MACC1: variants seen among roughly 807,000 people sequenced by gnomAD.
MACC1 encodes metastasis-associated in colon cancer protein 1.
MACC1 carries 79 observed loss-of-function variants against 70.7 expected under a neutral mutation model. The observed-to-expected ratio is 1.12, with a 90% CI of 0.93 to 1.35. The LOEUF is 1.35. MACC1 is among the 40% of genes most tolerant of loss of function. MACC1 has a pLI of 0.00. For synonymous variants in MACC1, 361 were observed against 347.2 expected, an observed-to-expected ratio of 1.04 and a Z score of -0.44; for missense variants, 1,106 against 978.1, an observed-to-expected ratio of 1.13 and a Z score of -1.74.
Position 20,136,414 on chromosome 7 carries a change from A to C in MACC1, c.*4532T>G, listed in dbSNP as rs1781718237. 6.6e-6 allele frequency: 1 copy of C among 152,196 alleles called. No homozygotes were observed. The highest frequency in any genetic ancestry group is 1.9e-4 in the East Asian group (1 of 5,202). 9.4% of individuals were successfully genotyped at this position (152,196 alleles called of 1,614,324 possible). A position where few individuals can be genotyped will look rare whatever the true frequency, so the allele number is the denominator to read the frequency against. On this transcript the variant is annotated 3_prime_UTR_variant, in exon 7 of 7. Coordinates refer to ENST00000400331, the MANE Select transcript of MACC1 (RefSeq NM_182762.4). ...CACTATTATTCAAAATTACAAAACT[A>C]TTTATTAGGGTTAAAACTTTCTAGA...
intron 1 of MACC1, among the ~76,000 whole-genome samples, chr7:20,200,311 A>G (rs1782815074): frequency 6.6e-6 from 1 of 152,158 alleles, no homozygotes; most frequent in Non-Finnish European, 1.5e-5. Context: ...TTATAGATAA[A>G]GAGATAACAG....
In MACC1 at chr7:20,195,093, C is replaced by T. The variant is rs553787537; in HGVS notation, c.-218+22206G>A. Among the ~76,000 whole-genome samples the T allele has an allele frequency of 7.2e-5, 11 of 151,876 alleles. No individual in the cohort carries two copies. The South Asian group carries it at 1.0e-3, about 14-fold the overall frequency. ...TTTCCTCCTAATCTTAACGTTTTCT[C>T]TTATTAAAAAAAAACAAGTATCCCC... On this transcript the variant is annotated intron_variant, in intron 1 of 6. Transcript: ENST00000400331.
chr7:20,184,354 C>T (rs954339759), intron 1 of MACC1, among the ~76,000 whole-genome samples: 7 of 152,140 alleles, frequency 4.6e-5, no homozygotes, highest in African/African-American at 1.7e-4. Flanking sequence ...CTCAATTGTG[C>T]CCAACAAAGA....
In MACC1 at chr7:20,138,776, C is replaced by T. The variant is rs192994315; in HGVS notation, c.*2170G>A. 6.8e-3 allele frequency: 1,028 copies of T among 152,054 alleles called. 11 individuals carry two copies. The highest frequency in any genetic ancestry group is 0.023 in the African/African-American group (963 of 41,482). 9.4% of individuals were successfully genotyped at this position (152,054 alleles called of 1,614,324 possible). ...CAAGCTCCGCCTCCCGGGTTCACGCCATTCTCCTGCCTCAGCCTCCTGAGT... is the reference window on the plus strand; with the variant it reads ...CAAGCTCCGCCTCCCGGGTTCACGCTATTCTCCTGCCTCAGCCTCCTGAGT... On this transcript the variant is annotated 3_prime_UTR_variant, in exon 7 of 7. Coordinates refer to ENST00000400331, the MANE Select transcript of MACC1 (RefSeq NM_182762.4).
Position 20,183,751 on chromosome 7 carries a change from C to G in MACC1, c.-217-12973G>C, listed in dbSNP as rs960202906. 2.0e-5 allele frequency among the ~76,000 whole-genome samples: 3 copies of G among 146,496 alleles called. No homozygotes were observed. In the Admixed American group the frequency reaches 2.1e-4, roughly 10 times the overall value. On this transcript the variant is annotated intron_variant, in intron 1 of 6. Transcript: ENST00000400331. ...TGAGGGAGAGTCTCACTCTGTTTCC[C>G]GGGCTGGAGTGCAGTGGCATGATCT...
chr7:20,165,421 C>T (rs1782198459), intron 2 of MACC1, among the ~76,000 whole-genome samples: 1 of 152,084 alleles, frequency 6.6e-6, no homozygotes, highest in African/African-American at 2.4e-5. Context: ...CTCACTATCC[C>T]ACAACAAATC....
At chr7:20,180,853 CAATAATAAT>C (rs1012956866) in intron 1 of MACC1, among the ~76,000 whole-genome samples, 1 of 151,384 alleles carries the variant, frequency 6.6e-6, no homozygotes, top group Non-Finnish European at 1.5e-5. Flanking sequence ...TCTCAAATAA[CAATAATAAT>C]AATAATAATT....
In MACC1 at chr7:20,159,979, G is replaced by A; in HGVS notation, c.382C>T (p.Gln128Ter). The A allele has an allele frequency of 1.2e-6, 2 of 1,614,066 alleles. No individual in the cohort carries two copies. Among genetic ancestry groups the A allele is most frequent in the Non-Finnish European group, 1.7e-6 (2 of 1,180,004 alleles). The part of the protein sequence containing the change: ...DELDVHQLLR[Q>*]TSSRNSGRSK... ...CTTCCAGAATTTCTTGAGGAAGTCT[G>A]CCTAAGTAACTGATGCACATCAAGT... The change falls in exon 5 of 7, where the codon CAG becomes TAG. Residue 128 changes from glutamine (Q) to a stop codon, truncating the protein, a stop_gained. Coordinates refer to ENST00000400331, the MANE Select transcript of MACC1 (RefSeq NM_182762.4). LOFTEE classifies it high-confidence loss of function.
rs1392339127 is a variant in MACC1 at position 20,161,603 on chromosome 7, T to C, written c.115+145A>G. ...TGGCTGTGCTATTTTATTTTGCACA[T>C]CTTTTTAACTATTTCTATGATAAAA... On this transcript the variant is annotated intron_variant, in intron 4 of 6. Transcript: ENST00000400331. 6 of 552,872 alleles carry C rather than the reference T, an allele frequency of 1.1e-5. No homozygotes were observed. In the African/African-American group the frequency reaches 1.1e-4, roughly 10 times the overall value. The allele number at this position is 552,872 out of a possible 1,614,324, so 34.2% of individuals were successfully genotyped here.
intron 1 of MACC1, among the ~76,000 whole-genome samples, chr7:20,188,277 C>T (rs1409355264): frequency 1.3e-5 from 2 of 152,150 alleles, no homozygotes; most frequent in African/African-American, 2.4e-5. Context: ...TCTAACAAAA[C>T]ATTCTTTTGA....
Position 20,158,595 on chromosome 7 carries a change from A to G in MACC1, c.1766T>C (p.Ile589Thr), listed in dbSNP as rs563150029. 114 of 1,614,032 alleles carry G rather than the reference A, an allele frequency of 7.1e-5. No individual in the cohort carries two copies. In the East Asian group the frequency reaches 2.3e-3, roughly 32 times the overall value. ...ALLGEGKVKAIGQSKVKEWYV... is the reference protein window; with the variant it reads ...ALLGEGKVKATGQSKVKEWYV... ...CCATTCTTTCACTTTGGACTGACCA[A>G]TAGCTTTTACCTTACCTTCCCCGAG... is the stretch of plus-strand genomic sequence containing the variant. The change falls in exon 5 of 7, where the codon ATT becomes ACT. Residue 589 changes from isoleucine to threonine, a missense_variant. Transcript: ENST00000400331.
intron 1 of MACC1, among the ~76,000 whole-genome samples, chr7:20,174,140 A>G (rs1782357080): frequency 1.3e-5 from 2 of 152,218 alleles, no homozygotes; most frequent in African/African-American, 2.4e-5. Context: ...GCATAATTCT[A>G]GAATAAGTTA....
In MACC1 at chr7:20,159,360, T is replaced by C. The variant is rs1344034939; in HGVS notation, c.1001A>G (p.Gln334Arg). Residue 334 changes from glutamine (Q) to arginine (R), a missense_variant, in exon 5 of 7, where the codon CAA (glutamine) becomes CGA (arginine). Coordinates refer to ENST00000400331, the MANE Select transcript of MACC1 (RefSeq NM_182762.4). ...CTGACTCAAGTCGATTAGCTTGACT[T>C]GGATGGTGTCTTTATAAATGTAGCA... ...SNCYIYKDTI[Q>R]VKLIDLSQVM... 1 of 1,614,100 alleles carries C rather than the reference T, an allele frequency of 6.2e-7. No individual in the cohort carries two copies.
At chr7:20,183,147 A>G (rs1341265100) in intron 1 of MACC1, among the ~76,000 whole-genome samples, 1 of 152,192 alleles carries the variant, frequency 6.6e-6, no homozygotes, top group Non-Finnish European at 1.5e-5. Context: ...ACCCGACTTA[A>G]TGAAGTAGGC....
At chr7:20,183,518 T>C (rs1439566437) in intron 1 of MACC1, among the ~76,000 whole-genome samples, 3 of 152,180 alleles carry the variant, frequency 2.0e-5, no homozygotes, top group African/African-American at 7.2e-5. Flanking sequence ...TAATGGATGG[T>C]TATTGCCTTA....
intron 1 of MACC1, among the ~76,000 whole-genome samples, chr7:20,180,793 G>A (rs911838027): frequency 6.6e-6 from 1 of 152,092 alleles, no homozygotes. Context: ...GTTTCAGTGA[G>A]GTGAGATTTC....
chr7:20,143,071 C>A (rs113236310), intron 6 of MACC1, among the ~76,000 whole-genome samples: 17 of 152,316 alleles, frequency 1.1e-4, no homozygotes, highest in African/African-American at 3.8e-4. Flanking sequence ...TTGGGGTTGT[C>A]CACTACACTA....
At chr7:20,192,099 T>C (rs1254892472) in intron 1 of MACC1, among the ~76,000 whole-genome samples, 1 of 152,206 alleles carries the variant, frequency 6.6e-6, no homozygotes, top group Non-Finnish European at 1.5e-5. Flanking sequence ...ATTCTGACTT[T>C]TCAATGTTAA....
chr7:20,169,811 A>G (rs1014269985), intron 2 of MACC1, among the ~76,000 whole-genome samples: 1 of 152,248 alleles, frequency 6.6e-6, no homozygotes, highest in Non-Finnish European at 1.5e-5. Flanking sequence ...AACATATAAT[A>G]ACCCCACATG....
Sources: gnomAD v4.1 joint callset for allele counts (sites outside exome capture counted in the v4.1 genomes callset) on GRCh38, gnomAD v4.1.1 for gene constraint, MANE v1.5 for transcripts, NCBI Gene and HGNC (gene_info 2026-07-23, HGNC 2026-07-21) for gene names.